The following PTK2 variants were observed in gnomAD, a reference collection of about 807,000 sequenced individuals.
PTK2 encodes the protein protein tyrosine kinase 2.
A neutral mutation model predicts 150.1 loss-of-function variants in PTK2; 45 were observed. The ratio of observed to expected loss-of-function variants is 0.30; its 90% CI spans 0.24 to 0.38. The LOEUF is 0.38. Among genes scored for constraint, PTK2 ranks in the 10% least tolerant of loss-of-function variants. The pLI, the probability that PTK2 is intolerant of heterozygous loss-of-function variation, is 1.00. For synonymous variants in PTK2, 432 were observed against 449.2 expected, an observed-to-expected ratio of 0.96 and a Z score of 0.48; for missense variants, 919 against 1,307.3, an observed-to-expected ratio of 0.70 and a Z score of 4.58.
At position 140,864,296 on chromosome 8, in the gene PTK2, A is replaced by G; in HGVS notation, c.450+16T>C. 1.4e-6 allele frequency: 2 copies of G among 1,414,068 alleles called. No individual in the cohort carries two copies. Among genetic ancestry groups the G allele is most frequent in the Non-Finnish European group, 1.9e-6 (2 of 1,049,232 alleles). The allele number at this position is 1,414,068 out of a possible 1,614,324, so 87.6% of individuals were successfully genotyped here. A position where few individuals can be genotyped will look rare whatever the true frequency, so the allele number is the denominator to read the frequency against. On this transcript the variant is annotated intron_variant, in intron 5 of 31. Transcript: ENST00000522684. ...AAGAAACAAACAAAAAAGTATATGA[A>G]AGCAGTCTCTAATACCTGTTGATAG...
intron 5 of PTK2, among the ~76,000 whole-genome samples, chr8:140,863,741 A>T (rs2100137635): frequency 6.6e-6 from 1 of 152,218 alleles, no homozygotes; most frequent in Admixed American, 6.5e-5. Flanking sequence ...CCTCCACTAG[A>T]CAGAAGAATT....
chr8:140,910,608 A>C (rs768580530), intron 2 of PTK2, among the ~76,000 whole-genome samples: 1 of 152,080 alleles, frequency 6.6e-6, no homozygotes, highest in Non-Finnish European at 1.5e-5. Flanking sequence ...TATAACCCCA[A>C]ACAAAGAAAT....
At chr8:140,787,969 T>C (rs1284440329) in intron 14 of PTK2, among the ~76,000 whole-genome samples, 1 of 152,210 alleles carries the variant, frequency 6.6e-6, no homozygotes, top group Non-Finnish European at 1.5e-5. Context: ...GACTGTAGCA[T>C]GTGTGGTGGT....
At chr8:140,726,299 C>T (rs1015089254) in intron 22 of PTK2, among the ~76,000 whole-genome samples, 7 of 151,946 alleles carry the variant, frequency 4.6e-5, no homozygotes, top group East Asian at 1.9e-4. Flanking sequence ...AACACACGTG[C>T]GACTGGAATC....
intron 17 of PTK2, 120 bp downstream of exon 20, chr8:140,752,112 A>T: frequency 1.2e-6 from 1 of 866,616 alleles, no homozygotes; most frequent in Non-Finnish European, 1.9e-6. Context: ...GCAAGGCAAA[A>T]TAATAAACAT....
At chr8:140,795,695 C>T (rs1595932822) in intron 12 of PTK2, among the ~76,000 whole-genome samples, 1 of 152,194 alleles carries the variant, frequency 6.6e-6, no homozygotes, top group Admixed American at 6.5e-5. Context: ...GCTGCTACAT[C>T]CTCTATCCTA....
rs1359541977 is a variant in PTK2, at chr8:140,664,903, A to G, written c.2946+14T>C. The G allele has an allele frequency of 1.2e-6, 2 of 1,611,484 alleles. No homozygotes were observed. Among genetic ancestry groups the G allele is most frequent in the East Asian group, 4.5e-5 (2 of 44,810 alleles). ...GCTGTCACAGAGGGCTGCAAGGGGA[A>G]GATTGTGCCCTACCTCTCGGTGGGT... On this transcript the variant is annotated intron_variant, in intron 31 of 31. Coordinates refer to ENST00000522684, the Ensembl canonical transcript of PTK2.
At chr8:140,920,844 A>G in intron 2 of PTK2, 2 of 1,527,534 alleles carry the variant, frequency 1.3e-6, no homozygotes, top group Non-Finnish European at 1.7e-6. Flanking sequence ...AATGGACTAC[A>G]TCCGCTTTTC....
At chr8:140,734,754 T>TC (rs1291348133) in intron 22 of PTK2, 2 of 518,298 alleles carry the variant, frequency 3.9e-6, no homozygotes, top group Admixed American at 3.9e-5. Context: ...TAGGAAGCCT[T>TC]CCTGAAGCAG....
chr8:140,958,317 T>A (rs964550999), intron 1 of PTK2, among the ~76,000 whole-genome samples: 23 of 152,094 alleles, frequency 1.5e-4, no homozygotes, highest in African/African-American at 4.8e-4. Flanking sequence ...TTCTTTTTTT[T>A]AATTTTTTGT....
chr8:140,717,950 T>C (rs2100040717), intron 22 of PTK2: 1 of 375,552 alleles, frequency 2.7e-6, no homozygotes, highest in Non-Finnish European at 5.0e-6. Flanking sequence ...AAAAGACAGC[T>C]GGTAAGAAAA....
chr8:140,793,409 C>T (rs1188398517), intron 12 of PTK2, 25 bp from the exon 13 acceptor site: 1 of 1,607,480 alleles, frequency 6.2e-7, no homozygotes, highest in Non-Finnish European at 8.5e-7. Flanking sequence ...AAAAGAGATG[C>T]ATAAGGCTCT....
chr8:140,818,195 T>G (rs1393276540), intron 10 of PTK2, 82 bp downstream of exon 10: 1 of 1,297,010 alleles, frequency 7.7e-7, no homozygotes, highest in Non-Finnish European at 1.1e-6. Flanking sequence ...TAAAATGATC[T>G]TTTCCAAAAG....
In PTK2 at chr8:140,968,337, C is replaced by G. The variant is rs547498435; in HGVS notation, c.-122+32788G>C. On this transcript the variant is annotated intron_variant, in intron 1 of 31. Transcript: ENST00000522684. ...CCTTAAATTCCCACAGTAGAAATAA[C>G]TACACTGTTAGGAACTGTACTTATG... is the stretch of plus-strand genomic sequence containing the variant. Among the ~76,000 whole-genome samples, 5 of 152,216 alleles carry G rather than the reference C, an allele frequency of 3.3e-5. No homozygotes were observed. The South Asian group carries it at 6.2e-4, about 19-fold the overall frequency.
At chr8:140,915,858 C>A (rs2100165034) in intron 2 of PTK2, among the ~76,000 whole-genome samples, 1 of 152,008 alleles carries the variant, frequency 6.6e-6, no homozygotes, top group Non-Finnish European at 1.5e-5. Context: ...GCCAAGATCA[C>A]GCCACTGCAC....
intron 1 of PTK2, among the ~76,000 whole-genome samples, chr8:140,927,975 A>AAAAAAAAAAAAAAAAAAAAAATATAT: frequency 2.1e-5 from 1 of 48,194 alleles, no homozygotes; most frequent in Non-Finnish European, 3.4e-5. Context: ...AAAAAAAAAA[A>AAAAAAAAAAAAAAAAAAAAAATATAT]ATATATATAT....
At chr8:140,765,506 A>G (rs918745477) in intron 14 of PTK2, among the ~76,000 whole-genome samples, 14 of 152,228 alleles carry the variant, frequency 9.2e-5, no homozygotes, top group African/African-American at 3.4e-4. Context: ...GAAGCAGATT[A>G]TAACACCAAT....
chr8:140,752,581 A>G (rs896816334), intron 16 of PTK2, among the ~76,000 whole-genome samples: 1 of 152,272 alleles, frequency 6.6e-6, no homozygotes, highest in Non-Finnish European at 1.5e-5. Flanking sequence ...TGTGGCTGGT[A>G]CTATTCTAAG....
chr8:140,744,789 G>GAAAAAAAAAA, intron 18 of PTK2, 22 bp from the exon 22 acceptor site: 7 of 658,490 alleles, frequency 1.1e-5, no homozygotes, highest in South Asian at 4.8e-5. Context: ...ATGACCAAAA[G>GAAAAAAAAAA]AAAAAAAAAA....
Sources: allele counts gnomAD v4.1 joint callset (sites outside exome capture counted in the v4.1 genomes callset), GRCh38; gene constraint gnomAD v4.1.1; transcripts MANE v1.5; gene names NCBI Gene and HGNC (gene_info 2026-07-23, HGNC 2026-07-21).